Variants in CSMD2 observed in about 807,000 individuals in gnomAD.
CSMD2 encodes CUB and sushi domain-containing protein 2.
A neutral mutation model predicts 398.5 loss-of-function variants in CSMD2; 130 were observed. The ratio of observed to expected loss-of-function variants is 0.33; its 90% confidence interval spans 0.28 to 0.38. CSMD2 has a LOEUF of 0.38. Ranked by LOEUF, CSMD2 falls within the 10% of genes least tolerant of loss-of-function variation. The pLI is 1.00. For missense variants in CSMD2, 3,829 were observed against 4,764.9 expected (o/e 0.80, Z 5.78); for synonymous variants, 1,828 against 1,908.5 (o/e 0.96, Z 1.10).
intron 10 of CSMD2, among the ~76,000 whole-genome samples, chr1:33,809,859 CCAG>C (rs910610661): frequency 6.6e-6 from 1 of 151,714 alleles, no homozygotes; most frequent in Non-Finnish European, 1.5e-5. Flanking sequence ...TTTCTAAACA[CCAG>C]CAAGAAACAA....
chr1:34,005,463 C>A (rs1469565029), intron 3 of CSMD2, among the ~76,000 whole-genome samples: 1 of 152,038 alleles, frequency 6.6e-6, no homozygotes, highest in Non-Finnish European at 1.5e-5. Context: ...TAGGTGTAAC[C>A]CATATGGCTA....
chr1:34,019,214 C>T (rs192184870), intron 3 of CSMD2, among the ~76,000 whole-genome samples: 6 of 152,266 alleles, frequency 3.9e-5, no homozygotes, highest in East Asian at 1.9e-4. Flanking sequence ...ATCATCCTGA[C>T]GATCATCATC....
intron 5 of CSMD2, among the ~76,000 whole-genome samples, chr1:33,914,999 C>G (rs781099593): frequency 6.6e-6 from 1 of 152,178 alleles, no homozygotes; most frequent in Non-Finnish European, 1.5e-5. Flanking sequence ...GTTGCTATCC[C>G]GTTTAGGGGG....
chr1:33,738,808 T>TGCCGGAGCTCCCCTGGGCA (rs1553189430), intron 15 of CSMD2, among the ~76,000 whole-genome samples: 1 of 152,224 alleles, frequency 6.6e-6, no homozygotes, highest in African/African-American at 2.4e-5. Context: ...TACTTTGGGC[T>TGCCGGAGCTCCCCTGGGCA]GCCGGAGCTC....
chr1:34,140,109 T>C (rs1488606170), intron 1 of CSMD2, among the ~76,000 whole-genome samples: 1 of 152,014 alleles, frequency 6.6e-6, no homozygotes, highest in Non-Finnish European at 1.5e-5. Flanking sequence ...TAATAATAAA[T>C]TAATGGCTTT....
intron 2 of CSMD2, among the ~76,000 whole-genome samples, chr1:34,079,791 CA>C (rs1656849132): frequency 6.6e-6 from 1 of 151,884 alleles, no homozygotes; most frequent in South Asian, 2.1e-4. Context: ...GAATAAAAAT[CA>C]CAGAAAAAAC....
rs1365819751 is a variant in CSMD2 at position 33,518,011 on chromosome 1, C to T, written c.*54-1441G>A. ...TGGCTGGGAGAATCTGCCACGTGAG[C>T]GGCCATGCACAGGAGCGTGGGGAGG... On this transcript the variant is annotated intron_variant, in intron 70 of 70. Coordinates refer to ENST00000373381, the MANE Select transcript of CSMD2 (RefSeq NM_001281956.2). The surrounding 1 kb of genome is among the most constrained non-coding windows in gnomAD (Gnocchi z 4.3). 2.0e-5 allele frequency among the ~76,000 whole-genome samples: 3 copies of T among 152,358 alleles called. No homozygotes were observed. The highest frequency in any genetic ancestry group is 1.9e-4 in the East Asian group (1 of 5,188).
intron 2 of CSMD2, among the ~76,000 whole-genome samples, chr1:34,070,237 C>G (rs1378213324): frequency 6.6e-6 from 1 of 152,214 alleles, no homozygotes; most frequent in Non-Finnish European, 1.5e-5. Flanking sequence ...TCCTTTACTT[C>G]TTGCCTAAGT....
intron 4 of CSMD2, among the ~76,000 whole-genome samples, chr1:33,920,789 G>T (rs1450957844): frequency 6.6e-6 from 1 of 152,190 alleles, no homozygotes; most frequent in Non-Finnish European, 1.5e-5. Context: ...AGGGAACAAG[G>T]TGGGGGCCTC....
chr1:33,698,733 C>A lies in CSMD2; in HGVS notation c.3925+20G>T, dbSNP rs1232241176. On this transcript the variant is annotated intron_variant, in intron 24 of 70. Coordinates refer to ENST00000373381, the MANE Select transcript of CSMD2 (RefSeq NM_001281956.2). ...TTATGGGAGACCCAAGGGTTCCCTG[C>A]AGAGGAAGAGCCCTCCTACCGACAC... 1.9e-6 allele frequency: 3 copies of A among 1,601,460 alleles called. No individual in the cohort carries two copies. The highest frequency in any genetic ancestry group is 2.6e-6 in the Non-Finnish European group (3 of 1,173,332).
chr1:33,659,251 G>A (rs957970896), intron 26 of CSMD2, among the ~76,000 whole-genome samples: 1 of 152,188 alleles, frequency 6.6e-6, no homozygotes, highest in Non-Finnish European at 1.5e-5. Flanking sequence ...AGAATGAGTG[G>A]GTGAATAAAT....
At chr1:33,911,981 C>A (rs1643471102) in intron 5 of CSMD2, among the ~76,000 whole-genome samples, 1 of 152,188 alleles carries the variant, frequency 6.6e-6, no homozygotes, top group African/African-American at 2.4e-5. Flanking sequence ...CTTCCCACCA[C>A]CTCATCTCCT....
intron 25 of CSMD2, among the ~76,000 whole-genome samples, chr1:33,681,144 G>A (rs1244105790): frequency 6.6e-6 from 1 of 151,638 alleles, no homozygotes; most frequent in Non-Finnish European, 1.5e-5. Flanking sequence ...TGCTGGTCTC[G>A]AACTCCTGGC....
At chr1:34,065,277 C>T (rs12117359) in intron 2 of CSMD2, among the ~76,000 whole-genome samples, 6,138 of 152,262 alleles carry the variant, frequency 0.04, 171 homozygotes, top group East Asian at 0.14. Flanking sequence ...TTTCCTTCTT[C>T]GCCCCACTCT....
chr1:33,776,315 T>C (rs952490407), intron 12 of CSMD2, among the ~76,000 whole-genome samples: 2 of 152,100 alleles, frequency 1.3e-5, no homozygotes, highest in Non-Finnish European at 2.9e-5. Flanking sequence ...CCGTGAGGGA[T>C]GTCCTTCCCT....
intron 9 of CSMD2, among the ~76,000 whole-genome samples, chr1:33,811,648 A>G (rs2124965185): frequency 6.6e-6 from 1 of 152,374 alleles, no homozygotes; most frequent in South Asian, 2.1e-4. Flanking sequence ...AGTGTTATCA[A>G]TCACAGCTTA....
chr1:34,047,224 C>T (rs373434620), intron 2 of CSMD2, among the ~76,000 whole-genome samples: 52 of 152,160 alleles, frequency 3.4e-4, no homozygotes, highest in African/African-American at 1.1e-3. Context: ...CTAACCATAA[C>T]GGCCGCTTGC....
intron 55 of CSMD2, among the ~76,000 whole-genome samples, chr1:33,553,291 A>G (rs995970541): frequency 6.6e-6 from 1 of 152,178 alleles, no homozygotes; most frequent in Non-Finnish European, 1.5e-5. Flanking sequence ...CAATATTTCA[A>G]ACGTTTTCAT....
In CSMD2 at chr1:33,520,593, T is replaced by C. The variant is rs530417815; in HGVS notation, c.10598-643A>G. 7.2e-5 allele frequency among the ~76,000 whole-genome samples: 11 copies of C among 152,172 alleles called. No individual in the cohort carries two copies. The East Asian group carries it at 1.7e-3, about 24-fold the overall frequency. ...ATCTTGCAGTAGGTGAAGGGTGCTG[T>C]GTGGAAGACAGTGGTCTCAGTCCAT... On this transcript the variant is annotated intron_variant, in intron 68 of 70. Transcript: ENST00000373381.
Sources: gnomAD v4.1 joint callset for allele counts (sites outside exome capture counted in the v4.1 genomes callset) on GRCh38, gnomAD v4.1.1 for gene constraint, Gnocchi (gnomAD v3.1) non-coding constraint, MANE v1.5 for transcripts, NCBI Gene and HGNC (gene_info 2026-07-23, HGNC 2026-07-21) for gene names.